Variants in NAALADL1 observed in about 807,000 individuals in gnomAD.
The protein encoded by NAALADL1 is aminopeptidase NAALADL1.
A neutral mutation model predicts 82.8 loss-of-function variants in NAALADL1; 77 were observed. The observed-to-expected ratio is 0.93, with a 90% CI of 0.77 to 1.12. NAALADL1 has a LOEUF of 1.12. Among genes scored for constraint, NAALADL1 ranks in the 50% most tolerant of loss-of-function variants. NAALADL1 has a pLI of 0.00. For synonymous variants in NAALADL1, 358 were observed against 399.2 expected, an observed-to-expected ratio of 0.90 and a Z score of 1.23; for missense variants, 956 against 964.0, an observed-to-expected ratio of 0.99 and a Z score of 0.11.
upstream of NAALADL1, chr11:65,058,680 G>T: frequency 1.5e-6 from 1 of 682,252 alleles, no homozygotes; most frequent in Non-Finnish European, 2.4e-6. Flanking sequence ...AGAGCCAGGA[G>T]CCATCCACAT....
Position 65,054,778 on chromosome 11 carries a change from G to A in NAALADL1, c.604-40C>T, listed in dbSNP as rs371325227. Reference sequence around the variant, plus strand: ...GGAGGCTGTGTGTAAGGGAGGGACCGGGACCAGATATGTCCTATTCCTCTT... The same window carrying A: ...GGAGGCTGTGTGTAAGGGAGGGACCAGGACCAGATATGTCCTATTCCTCTT... On this transcript the variant is annotated intron_variant, in intron 4 of 17. Transcript: ENST00000358658. This position sits in a 1 kb window ranked among gnomAD's most constrained non-coding sequence, Gnocchi z 4.3. 8.5e-5 allele frequency: 136 copies of A among 1,596,204 alleles called. No homozygotes were observed. The highest frequency in any genetic ancestry group is 3.6e-4 in the African/African-American group (27 of 74,700).
chr11:65,045,778 G>C, intron 17 of NAALADL1, 44 bp downstream of exon 17: 1 of 1,572,252 alleles, frequency 6.4e-7, no homozygotes, highest in Non-Finnish European at 8.7e-7. Flanking sequence ...GCCATTGTCC[G>C]GCCCCACCTG....
intron 17 of NAALADL1, 31 bp from the exon 18 acceptor site, chr11:65,045,488 C>A: frequency 6.4e-7 from 1 of 1,566,008 alleles, no homozygotes; most frequent in South Asian, 1.2e-5. Flanking sequence ...GGATCAGGGT[C>A]AGTCAGTCAG....
In NAALADL1 at chr11:65,048,338, C is replaced by T. The variant is rs1434867951; in HGVS notation, c.1246G>A (p.Glu416Lys). 1 of 1,614,218 alleles carries T rather than the reference C, an allele frequency of 6.2e-7. No individual in the cohort carries two copies. The highest frequency in any genetic ancestry group is 8.5e-7 in the Non-Finnish European group (1 of 1,180,044). ...GTGGAGCCAATGAGCCCAAACTCCT[C>T]AGCCCCCCAGCTCGCAAACACGATT... ...RSIVFASWGA[E>K]EFGLIGSTEF... Residue 416 changes from glutamate to lysine, a missense_variant, in exon 9 of 18, where the codon GAG becomes AAG. Coordinates refer to ENST00000358658, the MANE Select transcript of NAALADL1 (RefSeq NM_005468.3).
At position 65,048,000 on chromosome 11, in the gene NAALADL1, A is replaced by G; in HGVS notation, c.1397T>C (p.Val466Ala). ...TTCCACCTCTTTGGTTGCAGAGAAG[A>G]CGACGCTCTGGACAGGGGGCGTCCC... Reference protein sequence around the residue: ...VQGTPPVQSVVFSATKEIRSP... With the variant: ...VQGTPPVQSVAFSATKEIRSP... Residue 466 changes from valine (V) to alanine (A), a missense_variant, in exon 11 of 18, where the codon GTC (valine) becomes GCC (alanine). By Grantham distance (64) the Val-to-Ala change is moderately conservative. Coordinates refer to ENST00000358658, the MANE Select transcript of NAALADL1 (RefSeq NM_005468.3). The G allele has an allele frequency of 1.2e-6, 2 of 1,611,722 alleles. No individual in the cohort carries two copies. The highest frequency in any genetic ancestry group is 1.7e-6 in the Non-Finnish European group (2 of 1,179,232).
chr11:65,045,298 G>C lies in NAALADL1; in HGVS notation c.2196C>G (p.Ala732=). Reference sequence around the variant, plus strand: ...AGAGGTCAGCCACAGGCCTCAGGGTGGCTGCCGCACCCTCCAGGGCTGTCA... The same window carrying C: ...AGAGGTCAGCCACAGGCCTCAGGGTCGCTGCCGCACCCTCCAGGGCTGTCA... The part of the protein sequence containing the change: ...IVVTALEGAA[A]TLRPVADL The change falls in exon 18 of 18, where the codon GCC becomes GCG. Residue 732 remains alanine, a synonymous_variant. Transcript: ENST00000358658. 6.2e-7 allele frequency: 1 copy of C among 1,608,376 alleles called. No individual in the cohort carries two copies. Among genetic ancestry groups the C allele is most frequent in the Non-Finnish European group, 8.5e-7 (1 of 1,176,580 alleles).
chr11:65,053,590 A>G lies in NAALADL1; in HGVS notation c.993-14T>C. On this transcript the variant is annotated splice_polypyrimidine_tract_variant and intron_variant, in intron 6 of 17. Coordinates refer to ENST00000358658, the MANE Select transcript of NAALADL1 (RefSeq NM_005468.3). The surrounding 1 kb of genome is among the most constrained non-coding windows in gnomAD (Gnocchi z 4.3). The stretch of plus-strand genomic sequence containing the variant: ...ACATTCACCTGGCTGGGGAGGGTGA[A>G]GGGTGTGAGAAGACTCTTGGCCTTG... The G allele has an allele frequency of 6.3e-7, 1 of 1,578,462 alleles. No homozygotes were observed. Among genetic ancestry groups the G allele is most frequent in the Non-Finnish European group, 8.6e-7 (1 of 1,160,556 alleles).
intron 8 of NAALADL1, among the ~76,000 whole-genome samples, chr11:65,051,982 C>T (rs888644735): frequency 4.6e-5 from 7 of 152,102 alleles, no homozygotes; most frequent in African/African-American, 1.4e-4. Flanking sequence ...GAGTTCAAGA[C>T]CAGCTTAGGC....
chr11:65,053,166 A>G lies in NAALADL1; in HGVS notation c.1198+52T>C. 6.7e-7 allele frequency: 1 copy of G among 1,489,880 alleles called. No individual in the cohort carries two copies. The allele number at this position is 1,489,880 out of a possible 1,614,324, so 92.3% of individuals were successfully genotyped here. ...GTGAGGGAGAGGAGGTGGAACAGGA[A>G]GGGGACCTCCGGGGGCGAAGGTCCC... On this transcript the variant is annotated intron_variant, in intron 8 of 17. Coordinates refer to ENST00000358658, the MANE Select transcript of NAALADL1 (RefSeq NM_005468.3). The surrounding 1 kb of genome is among the most constrained non-coding windows in gnomAD (Gnocchi z 4.3).
Position 65,045,224 on chromosome 11 carries a change from C to G in NAALADL1, c.*47G>C, listed in dbSNP as rs1291591840. 1 of 1,580,786 alleles carries G rather than the reference C, an allele frequency of 6.3e-7. No individual in the cohort carries two copies. Among genetic ancestry groups the G allele is most frequent in the Non-Finnish European group, 8.6e-7 (1 of 1,161,254 alleles). On this transcript the variant is annotated 3_prime_UTR_variant, in exon 18 of 18. Coordinates refer to ENST00000358658, the MANE Select transcript of NAALADL1 (RefSeq NM_005468.3). ...GACCAGGACATCTCAGGAAAGCAGG[C>G]AGGAGAGGGTTGGAGTAAAGGGAGG...
At position 65,057,222 on chromosome 11, in the gene NAALADL1, C is replaced by T. The variant is rs117542549; in HGVS notation, c.603+149G>A. On this transcript the variant is annotated intron_variant, in intron 4 of 17. Transcript: ENST00000358658. ...CACACAGCCCATTGGTGGGACAACC[C>T]GAAAACACCTTGCCTTTCCTGCCCC... 6.1e-3 allele frequency: 7,464 copies of T among 1,233,538 alleles called. 31 individuals carry two copies. Among genetic ancestry groups the T allele is most frequent in the Non-Finnish European group, 7.3e-3 (6,597 of 909,654 alleles). The allele number at this position is 1,233,538 out of a possible 1,614,324, so 76.4% of individuals were successfully genotyped here.
At chr11:65,059,105 C>T (rs144335892), upstream of NAALADL1, among the ~76,000 whole-genome samples, 1,087 of 150,872 alleles carry the variant, frequency 7.2e-3, 9 homozygotes, top group African/African-American at 0.025. Context: ...CTCCACCTCC[C>T]GGGCTCAAGT....
In NAALADL1 at chr11:65,046,326, C is replaced by T. The variant is rs2136966691; in HGVS notation, c.1718G>A (p.Gly573Glu). The T allele has an allele frequency of 6.2e-7, 1 of 1,614,218 alleles. No individual in the cohort carries two copies. Among genetic ancestry groups the T allele is most frequent in the East Asian group, 2.2e-5 (1 of 44,884 alleles). ...SSHQAVARTA[G>E]SVILRLSDSF... ...GTCACTGAGCCGGAGAATCACACTC[C>T]CCGCTGTCCGGGCCACAGCCTGATG... The change falls in exon 15 of 18, where the codon GGG becomes GAG. Residue 573 changes from glycine (G) to glutamate (E), a missense_variant. Gly to Glu is a moderately conservative substitution (Grantham distance 98, BLOSUM62 -2). Transcript: ENST00000358658.
Position 65,050,306 on chromosome 11 carries a change from A to G in NAALADL1, c.1199-1921T>C, listed in dbSNP as rs1590762034. 2.0e-5 allele frequency among the ~76,000 whole-genome samples: 3 copies of G among 151,682 alleles called. No homozygotes were observed. In the South Asian group the frequency reaches 6.2e-4, roughly 32 times the overall value. ...ATCCTGGCTAACAAGGTGAAACCCC[A>G]TCTCTACTAAAAATACAAAAAATTA... On this transcript the variant is annotated intron_variant, in intron 8 of 17. Transcript: ENST00000358658.
chr11:65,045,451 C>T lies in NAALADL1; in HGVS notation c.2043G>A (p.Val681=), dbSNP rs1946697000. The change falls in exon 18 of 18, where the codon GTG becomes GTA. Residue 681 remains valine, a synonymous_variant. Transcript: ENST00000358658. ...CGGAGCCCGTGCGAGGTGCCCAGAG[C>T]ACATGGCTGACAAGAGAAATGGGAC... The part of the protein sequence containing the change: ...AFPEERYYSH[V]LWAPRTGSVV... 6.2e-7 allele frequency: 1 copy of T among 1,601,910 alleles called. No homozygotes were observed. The highest frequency in any genetic ancestry group is 1.3e-5 in the African/African-American group (1 of 74,664).
At chr11:65,045,630 G>T in intron 17 of NAALADL1, 173 bp from the exon 18 acceptor site, 2 of 877,912 alleles carry the variant, frequency 2.3e-6, no homozygotes, top group Non-Finnish European at 3.4e-6. Flanking sequence ...GGGAGGAAAT[G>T]TGGGTTCCAG....
chr11:65,057,166 G>T (rs1256397623), intron 4 of NAALADL1, among the ~76,000 whole-genome samples: 1 of 152,182 alleles, frequency 6.6e-6, no homozygotes, highest in East Asian at 1.9e-4. Flanking sequence ...ATTTCCTACA[G>T]CTCAGAGAGG....
Position 65,045,827 on chromosome 11 carries a change from G to A in NAALADL1, c.2031C>T (p.Tyr677=), listed in dbSNP as rs1353920503. ...GGACTCTGGGACAGACTCACCTGTA[G>A]TAGCGTTCCTCTGGGAAGGCTCTAG... The part of the protein sequence containing the change: ...LNPRAFPEER[Y]YSHVLWAPRT... The change falls in exon 17 of 18, where the codon TAC becomes TAT. Residue 677 remains tyrosine, a synonymous_variant. Coordinates refer to ENST00000358658, the MANE Select transcript of NAALADL1 (RefSeq NM_005468.3). The A allele has an allele frequency of 6.2e-7, 1 of 1,613,930 alleles. No individual in the cohort carries two copies. The highest frequency in any genetic ancestry group is 1.1e-5 in the South Asian group (1 of 91,054).
At chr11:65,052,601 T>C (rs1275192107) in intron 8 of NAALADL1, among the ~76,000 whole-genome samples, 2 of 152,142 alleles carry the variant, frequency 1.3e-5, no homozygotes, top group South Asian at 4.1e-4. Context: ...CGTGAGCCAC[T>C]GTGCCTGGCC....
Sources: allele counts gnomAD v4.1 joint callset (sites outside exome capture counted in the v4.1 genomes callset), GRCh38; gene constraint gnomAD v4.1.1; non-coding constraint Gnocchi (gnomAD v3.1); transcripts MANE v1.5; gene names NCBI Gene and HGNC (gene_info 2026-07-23, HGNC 2026-07-21).